Variants in CTBP1 observed in about 807,000 individuals in gnomAD.
CTBP1 encodes the protein C-terminal binding protein 1.
CTBP1 carries 11 observed loss-of-function variants against 42.1 expected under a neutral mutation model. The observed-to-expected ratio is 0.26, with a 90% confidence interval of 0.16 to 0.43. CTBP1 has a LOEUF of 0.43. CTBP1 is among the 20% of genes least tolerant of loss of function. CTBP1 has a pLI of 1.00. For synonymous variants in CTBP1, 324 were observed against 277.1 expected (o/e 1.17, Z -1.68); for missense variants, 399 against 624.3 (o/e 0.64, Z 3.85).
chr4:1,245,220 G>A (rs1455882656), intron 1 of CTBP1: 21 of 985,370 alleles, frequency 2.1e-5, no homozygotes, highest in South Asian at 4.7e-5. Flanking sequence ...CTGCAGGGCC[G>A]CATCACAGCT....
intron 2 of CTBP1, 142 bp downstream of exon 2, chr4:1,241,183 C>T (rs569008844): frequency 6.3e-5 from 47 of 751,322 alleles, no homozygotes; most frequent in East Asian, 3.4e-4. Flanking sequence ...CAGAGCACAC[C>T]GGGGGTCAGG....
At chr4:1,223,537 C>T (rs577738572) in intron 5 of CTBP1, 17 of 455,222 alleles carry the variant, frequency 3.7e-5, no homozygotes, top group East Asian at 3.5e-4. Flanking sequence ...AGCGGGGGGC[C>T]GGCCGGTCAA....
chr4:1,237,175 A>T (rs1731612243), intron 3 of CTBP1: 1 of 658,950 alleles, frequency 1.5e-6, no homozygotes. Flanking sequence ...GATGGGGCTC[A>T]GGATAAACCG....
chr4:1,214,270 G>A (rs572378939), intron 7 of CTBP1, 73 bp downstream of exon 7: 58 of 1,449,804 alleles, frequency 4.0e-5, no homozygotes, highest in Non-Finnish European at 3.8e-5. Flanking sequence ...TGGCAGAGGC[G>A]CCGTCTGGAG....
intron 1 of CTBP1, chr4:1,244,045 T>A: frequency 1.0e-6 from 1 of 985,120 alleles, no homozygotes; most frequent in East Asian, 1.1e-4. Context: ...TAAATGGGGG[T>A]GAGGTGAGGG....
In CTBP1 at chr4:1,214,397, T is replaced by C; in HGVS notation, c.806A>G (p.Lys269Arg). The change falls in exon 7 of 10, where the codon AAG (lysine) becomes AGG (arginine). Residue 269 changes from lysine to arginine, a missense_variant. Physicochemically the swap from Lys to Arg is conservative, Grantham distance 26. This residue lies in a region of CTBP1 where 309 missense variants were observed against 497.5 expected (regional missense o/e 0.62). Coordinates refer to ENST00000382952, the MANE Select transcript of CTBP1 (RefSeq NM_001012614.2). Reference sequence around the variant, plus strand: ...GGCCGCGCCGCGGATCCGGCCCTCCTTCAGGGCCTGGGCCAGCGCCTTCTC... The same window carrying C: ...GGCCGCGCCGCGGATCCGGCCCTCCCTCAGGGCCTGGGCCAGCGCCTTCTC... The part of the protein sequence containing the change: ...VDEKALAQAL[K>R]EGRIRGAALD... The C allele has an allele frequency of 6.4e-7, 1 of 1,567,224 alleles. No homozygotes were observed. The highest frequency in any genetic ancestry group is 8.6e-7 in the Non-Finnish European group (1 of 1,161,646).
intron 1 of CTBP1, chr4:1,245,598 C>T (rs1732634847): frequency 1.0e-6 from 1 of 981,154 alleles, no homozygotes. Flanking sequence ...GGAAGAGTGG[C>T]ACGGGAGGGC....
At chr4:1,224,776 C>G (rs991327142) in intron 5 of CTBP1, among the ~76,000 whole-genome samples, 2 of 144,900 alleles carry the variant, frequency 1.4e-5, no homozygotes, top group African/African-American at 2.6e-5. Flanking sequence ...AGGTCCACGT[C>G]TGTGCTGTGA....
chr4:1,213,779 C>G lies in CTBP1; in HGVS notation c.861-174G>C, dbSNP rs1362433502. 1.1e-5 allele frequency: 8 copies of G among 760,538 alleles called. No homozygotes were observed. The East Asian group carries it at 1.5e-4, about 14-fold the overall frequency. The allele number at this position is 760,538 out of a possible 1,614,324, so 47.1% of individuals were successfully genotyped here. A position where few individuals can be genotyped will look rare whatever the true frequency, so the allele number is the denominator to read the frequency against. On this transcript the variant is annotated intron_variant, in intron 7 of 9. Transcript: ENST00000382952. ...CTCAAGAGCACAGCCCCGGGACCAT[C>G]AGACACACCAGGGGCTCCTGACAGC...
chr4:1,247,769 G>GC (rs112011861), intron 1 of CTBP1, among the ~76,000 whole-genome samples: 16 of 131,992 alleles, frequency 1.2e-4, no homozygotes, highest in African/African-American at 3.6e-4. Context: ...GGCCGGGGAG[G>GC]GGGGGGGGGC....
rs1728674248 is a variant in CTBP1 at position 1,212,709 on chromosome 4, C to T, written c.1106+204G>A. 3 of 622,874 alleles carry T rather than the reference C, an allele frequency of 4.8e-6. No individual in the cohort carries two copies. In the East Asian group the frequency reaches 8.2e-5, roughly 17 times the overall value. 38.6% of individuals were successfully genotyped at this position (622,874 alleles called of 1,614,324 possible). Reference sequence around the variant, plus strand: ...CCATGGCACTCCTGTGTCCACTGAGCCCTGAAGGCCACCCCAGCCCAGGCT... The same window carrying T: ...CCATGGCACTCCTGTGTCCACTGAGTCCTGAAGGCCACCCCAGCCCAGGCT... On this transcript the variant is annotated intron_variant, in intron 9 of 9. Transcript: ENST00000382952.
chr4:1,214,160 G>A, intron 7 of CTBP1, 183 bp downstream of exon 7: 1 of 748,228 alleles, frequency 1.3e-6, no homozygotes. Flanking sequence ...CCGAGGCAAG[G>A]CAGGCCTAGA....
chr4:1,244,950 G>A, intron 1 of CTBP1: 1 of 985,438 alleles, frequency 1.0e-6, no homozygotes, highest in Non-Finnish European at 1.2e-6. Flanking sequence ...GCCGCCCAGA[G>A]AAAACTGAGG....
At chr4:1,236,150 A>G (rs1250107) in intron 3 of CTBP1, 1 of 156,656 alleles carries the variant, frequency 6.4e-6, no homozygotes. Flanking sequence ...CCTGCAGGTT[A>G]TAGGCCTCTC....
At chr4:1,226,649 G>T (rs1730379695) in intron 4 of CTBP1, among the ~76,000 whole-genome samples, 1 of 151,004 alleles carries the variant, frequency 6.6e-6, no homozygotes, top group South Asian at 2.1e-4. Flanking sequence ...CCCAGGCCTG[G>T]GAAACTCCAC....
chr4:1,224,982 T>C (rs932610381), intron 5 of CTBP1, among the ~76,000 whole-genome samples: 1 of 152,014 alleles, frequency 6.6e-6, no homozygotes. Flanking sequence ...TGTGAGGCTG[T>C]GTACTGTGAC....
intron 3 of CTBP1, among the ~76,000 whole-genome samples, chr4:1,228,933 C>T (rs1392457559): frequency 6.6e-6 from 1 of 152,250 alleles, no homozygotes; most frequent in Non-Finnish European, 1.5e-5. Flanking sequence ...CAAGAACCTG[C>T]CCAGAAATGC....
At position 1,225,498 on chromosome 4, in the gene CTBP1, G is replaced by A; in HGVS notation, c.376C>T (p.Leu126=). 6.5e-7 allele frequency: 1 copy of A among 1,546,196 alleles called. No homozygotes were observed. Among genetic ancestry groups the A allele is most frequent in the Non-Finnish European group, 8.7e-7 (1 of 1,146,952 alleles). ...CAGGTGGCCCGCCGGTACAGGTTCA[G>A]GATGTGGCACAGCGTCGAGTCGGCC... ...ETADSTLCHI[L]NLYRRATWLH... The change falls in exon 5 of 10, where the codon CTG becomes TTG. Residue 126 remains leucine (L), a synonymous_variant. Transcript: ENST00000382952.
At position 1,228,192 on chromosome 4, in the gene CTBP1, G is replaced by A. The variant is rs1406728611; in HGVS notation, c.307+7C>T. ...TGGGCACAGGAGAGAACTCGGAGCC[G>A]GCCTACCTAAATCCCCGGCCGACTT... is the stretch of plus-strand genomic sequence containing the variant. On this transcript the variant is annotated splice_region_variant and intron_variant, in intron 4 of 9. Transcript: ENST00000382952. The A allele has an allele frequency of 5.6e-6, 9 of 1,613,796 alleles. No individual in the cohort carries two copies. The highest frequency in any genetic ancestry group is 2.2e-5 in the East Asian group (1 of 44,888).
Sources: gnomAD v4.1 joint callset for allele counts (sites outside exome capture counted in the v4.1 genomes callset) on GRCh38, gnomAD v4.1.1 for gene constraint, gnomAD v4.1.1 regional missense constraint, MANE v1.5 for transcripts, NCBI Gene and HGNC (gene_info 2026-07-23, HGNC 2026-07-21) for gene names.